The following RAMP1 variants were observed in gnomAD, a reference collection of about 807,000 sequenced individuals.
The protein encoded by RAMP1 is receptor activity modifying protein 1, also known as receptor activity-modifying protein 1.
In RAMP1, 7 loss-of-function variants were observed where a neutral mutation model predicts 8.2. The ratio of observed to expected loss-of-function variants is 0.85; its 90% CI spans 0.49 to 1.60. The LOEUF is 1.60. Ranked by LOEUF, RAMP1 falls within the 40% of genes most tolerant of loss-of-function variation. The pLI is 0.00. For synonymous variants in RAMP1, 92 were observed against 84.7 expected (o/e 1.09, Z -0.47); for missense variants, 192 against 202.4 (o/e 0.95, Z 0.31).
intron 1 of RAMP1, among the ~76,000 whole-genome samples, chr2:237,863,677 T>C (rs1018888650): frequency 2.0e-5 from 3 of 152,102 alleles, no homozygotes; most frequent in Non-Finnish European, 2.9e-5. Context: ...GGTGGCTTTG[T>C]TGGAGCAGGG....
intron 2 of RAMP1, among the ~76,000 whole-genome samples, chr2:237,898,641 C>T (rs1236130267): frequency 6.6e-6 from 1 of 152,224 alleles, no homozygotes; most frequent in Non-Finnish European, 1.5e-5. Flanking sequence ...AAAAGGTGCC[C>T]AGTTCTCTGC....
intron 2 of RAMP1, among the ~76,000 whole-genome samples, chr2:237,904,745 C>CA (rs2151022620): frequency 6.6e-6 from 1 of 152,332 alleles, no homozygotes; most frequent in East Asian, 1.9e-4. Flanking sequence ...ATGTATACGT[C>CA]ATGAGCCAGT....
At chr2:237,887,737 G>C (rs559432267) in intron 2 of RAMP1, among the ~76,000 whole-genome samples, 1 of 152,158 alleles carries the variant, frequency 6.6e-6, no homozygotes, top group South Asian at 2.1e-4. Context: ...CCAGGAGTTC[G>C]AGACCAGCCT....
rs2062174434 is a variant in RAMP1, at chr2:237,865,208, A to C, written c.52+5481A>C. Among the ~76,000 whole-genome samples the C allele has an allele frequency of 6.7e-6, 1 of 150,242 alleles. No homozygotes were observed. The highest frequency in any genetic ancestry group is 1.5e-5 in the Non-Finnish European group (1 of 67,482). On this transcript the variant is annotated intron_variant, in intron 1 of 2. Coordinates refer to ENST00000254661, the MANE Select transcript of RAMP1 (RefSeq NM_005855.4). This position sits in a 1 kb window ranked among gnomAD's most constrained non-coding sequence, Gnocchi z 4.2. The stretch of plus-strand genomic sequence containing the variant: ...GAAGTGAGGCAGCGCTGAGGAATGA[A>C]GAACAGCACCTGGCAGAGCTCCTGG...
chr2:237,859,843 G>A (rs1047232390), intron 1 of RAMP1, 116 bp downstream of exon 1: 11 of 1,009,550 alleles, frequency 1.1e-5, no homozygotes, highest in South Asian at 1.1e-4. Context: ...CGGGCGCCGC[G>A]GGCGCACAGA....
chr2:237,903,414 T>A (rs373373008), intron 2 of RAMP1, among the ~76,000 whole-genome samples: 2 of 152,370 alleles, frequency 1.3e-5, no homozygotes, highest in East Asian at 3.8e-4. Context: ...AGATTATTGA[T>A]ACATATTGCC....
At chr2:237,863,917 A>G (rs369399991) in intron 1 of RAMP1, among the ~76,000 whole-genome samples, 1 of 150,878 alleles carries the variant, frequency 6.6e-6, no homozygotes, top group Non-Finnish European at 1.5e-5. Flanking sequence ...GGTCAGCACC[A>G]CCTCCACCCC....
rs553211550 is a variant in RAMP1 at position 237,895,610 on chromosome 2, G to A, written c.192-15918G>A. 5.9e-5 allele frequency among the ~76,000 whole-genome samples: 9 copies of A among 152,162 alleles called. No homozygotes were observed. In the South Asian group the frequency reaches 1.0e-3, roughly 17 times the overall value. On this transcript the variant is annotated intron_variant, in intron 2 of 2. Coordinates refer to ENST00000254661, the MANE Select transcript of RAMP1 (RefSeq NM_005855.4). Reference sequence around the variant, plus strand: ...AACAGGGACCAGCATGGTGCAGGGCGCCCCGTGGGTGGGCAGGATGGGTCG... The same window carrying A: ...AACAGGGACCAGCATGGTGCAGGGCACCCCGTGGGTGGGCAGGATGGGTCG...
chr2:237,907,727 C>T (rs1244008684), intron 2 of RAMP1, among the ~76,000 whole-genome samples: 1 of 152,168 alleles, frequency 6.6e-6, no homozygotes, highest in Admixed American at 6.6e-5. Context: ...TCCACTAGAC[C>T]CGTTGTCATA....
At chr2:237,910,624 C>T (rs773893403) in intron 2 of RAMP1, among the ~76,000 whole-genome samples, 3 of 151,668 alleles carry the variant, frequency 2.0e-5, no homozygotes, top group Non-Finnish European at 4.4e-5. Flanking sequence ...CACAGAATAA[C>T]AGTCACACAG....
intron 2 of RAMP1, among the ~76,000 whole-genome samples, chr2:237,893,876 G>GT (rs1457732567): frequency 6.6e-6 from 1 of 151,910 alleles, no homozygotes; most frequent in Admixed American, 6.6e-5. Flanking sequence ...GGAGGTGGAG[G>GT]TTGCAGTGAG....
At chr2:237,889,821 C>T (rs781255948) in intron 2 of RAMP1, among the ~76,000 whole-genome samples, 1 of 152,166 alleles carries the variant, frequency 6.6e-6, no homozygotes, top group Non-Finnish European at 1.5e-5. Flanking sequence ...GAGATGAGGT[C>T]TCCCTATGTT....
At chr2:237,894,057 C>T (rs2062513729) in intron 2 of RAMP1, among the ~76,000 whole-genome samples, 1 of 150,308 alleles carries the variant, frequency 6.7e-6, no homozygotes. Flanking sequence ...GCAACCTCCG[C>T]CTCCCAAGTT....
At chr2:237,861,154 C>G (rs1426943717) in intron 1 of RAMP1, among the ~76,000 whole-genome samples, 1 of 152,136 alleles carries the variant, frequency 6.6e-6, no homozygotes, top group African/African-American at 2.4e-5. Context: ...AGGCTGAACC[C>G]TCTAAAGCTT....
At chr2:237,911,298 C>T (rs559514276) in intron 2 of RAMP1, among the ~76,000 whole-genome samples, 1 of 152,380 alleles carries the variant, frequency 6.6e-6, no homozygotes, top group South Asian at 2.1e-4. Flanking sequence ...GGCCCCACGG[C>T]CACGCCAGGG....
At position 237,880,532 on chromosome 2, in the gene RAMP1, G is replaced by A. The variant is rs979134487; in HGVS notation, c.191+3170G>A. 7.9e-5 allele frequency among the ~76,000 whole-genome samples: 12 copies of A among 152,186 alleles called. 1 individual carries two copies. The highest frequency in any genetic ancestry group is 2.9e-4 in the African/African-American group (12 of 41,442). On this transcript the variant is annotated intron_variant, in intron 2 of 2. Transcript: ENST00000254661. The stretch of plus-strand genomic sequence containing the variant: ...GGTGTACACACATCCCAGGGATTTA[G>A]ATGGAACCCACGGAACCATACAGGT...
At chr2:237,869,615 A>G (rs1327633983) in intron 1 of RAMP1, among the ~76,000 whole-genome samples, 1 of 152,188 alleles carries the variant, frequency 6.6e-6, no homozygotes, top group Non-Finnish European at 1.5e-5. Context: ...TGAAGGCCAA[A>G]TAATATTCCA....
intron 2 of RAMP1, among the ~76,000 whole-genome samples, chr2:237,901,890 G>A (rs970292668): frequency 1.3e-5 from 2 of 152,138 alleles, no homozygotes; most frequent in African/African-American, 2.4e-5. Flanking sequence ...AAGCTGGTAT[G>A]TAAGTTGTAA....
intron 2 of RAMP1, among the ~76,000 whole-genome samples, chr2:237,897,546 G>C (rs183461526): frequency 6.6e-6 from 1 of 152,300 alleles, no homozygotes; most frequent in Admixed American, 6.5e-5. Flanking sequence ...TCCTGCAAGA[G>C]AGAGGCCTTT....
Sources: allele counts gnomAD v4.1 joint callset (sites outside exome capture counted in the v4.1 genomes callset), GRCh38; gene constraint gnomAD v4.1.1; non-coding constraint Gnocchi (gnomAD v3.1); transcripts MANE v1.5; gene names NCBI Gene and HGNC (gene_info 2026-07-23, HGNC 2026-07-21).